The following RBFOX1 variants were observed in gnomAD, a reference collection of about 807,000 sequenced individuals.
RBFOX1 encodes RNA binding protein fox-1 homolog 1.
RBFOX1 carries 8 observed loss-of-function variants against 57.7 expected under a neutral mutation model. That is an observed-to-expected ratio of 0.14 (90% CI 0.08 to 0.25). The LOEUF (loss-of-function observed/expected upper bound fraction) is 0.25. Ranked by LOEUF, RBFOX1 falls within the 10% of genes least tolerant of loss-of-function variation. RBFOX1 has a pLI of 1.00. For missense variants in RBFOX1, 611 were observed against 548.5 expected, an observed-to-expected ratio of 1.11 and a Z score of -1.14; for synonymous variants, 326 against 222.4, an observed-to-expected ratio of 1.47 and a Z score of -4.15.
chr16:7,599,305 G>A (rs879297738), intron 9 of RBFOX1, among the ~76,000 whole-genome samples: 1 of 152,240 alleles, frequency 6.6e-6, no homozygotes, highest in African/African-American at 2.4e-5. Flanking sequence ...GCACATGTGT[G>A]CTTGTCTACA....
chr16:6,821,317 G>A (rs899636581), intron 3 of RBFOX1, among the ~76,000 whole-genome samples: 11 of 152,220 alleles, frequency 7.2e-5, no homozygotes, highest in African/African-American at 2.4e-4. Context: ...ACTAAGTTTT[G>A]CTACCTGACA....
At chr16:7,703,266 C>T (rs963746099) in intron 14 of RBFOX1, among the ~76,000 whole-genome samples, 5 of 152,178 alleles carry the variant, frequency 3.3e-5, no homozygotes, top group Non-Finnish European at 7.3e-5. Flanking sequence ...TTCATTGATC[C>T]CTGGTGAGAC....
intron 2 of RBFOX1, among the ~76,000 whole-genome samples, chr16:6,485,061 C>T (rs1302291039): frequency 6.6e-6 from 1 of 152,158 alleles, no homozygotes; most frequent in African/African-American, 2.4e-5. Context: ...GTGTTTGTGG[C>T]ATGGAGTAAC....
chr16:7,501,525 C>G (rs2070860878), intron 4 of RBFOX1, among the ~76,000 whole-genome samples: 1 of 152,318 alleles, frequency 6.6e-6, no homozygotes, highest in East Asian at 1.9e-4. Flanking sequence ...GCTTTACAAT[C>G]CAGTAGCCTC....
chr16:7,390,203 C>T (rs1007631911), intron 4 of RBFOX1, among the ~76,000 whole-genome samples: 1 of 152,156 alleles, frequency 6.6e-6, no homozygotes, highest in African/African-American at 2.4e-5. Context: ...ATTCTGTCAT[C>T]TCGCACCAGA....
At chr16:7,356,232 C>A (rs1463331178) in intron 4 of RBFOX1, among the ~76,000 whole-genome samples, 1 of 152,100 alleles carries the variant, frequency 6.6e-6, no homozygotes, top group East Asian at 1.9e-4. Flanking sequence ...GAGTCAAGAC[C>A]CCTGTTTTAC....
At chr16:5,990,855 T>A (rs11647374) in intron 4 of RBFOX1, among the ~76,000 whole-genome samples, 3,396 of 152,184 alleles carry the variant, frequency 0.022, 91 homozygotes, top group Middle Eastern at 0.16. Flanking sequence ...ACGCCTGTAG[T>A]CCCATCTACT....
intron 4 of RBFOX1, among the ~76,000 whole-genome samples, chr16:7,283,080 T>G (rs1045446072): frequency 1.3e-5 from 2 of 152,202 alleles, no homozygotes; most frequent in African/African-American, 4.8e-5. Context: ...GGTATCTTTT[T>G]TGTATAACGA....
intron 4 of RBFOX1, among the ~76,000 whole-genome samples, chr16:7,239,816 A>T (rs376631086): frequency 4.2e-4 from 64 of 152,324 alleles, no homozygotes; most frequent in African/African-American, 1.5e-3. Flanking sequence ...GAAGAAAACA[A>T]ATATCATTTA....
chr16:6,159,221 C>A (rs372208161), intron 1 of RBFOX1, among the ~76,000 whole-genome samples: 3 of 152,090 alleles, frequency 2.0e-5, no homozygotes, highest in South Asian at 4.1e-4. Flanking sequence ...GGTCTATAGA[C>A]GCACACCACC....
At chr16:7,314,489 A>C (rs1217176583) in intron 4 of RBFOX1, among the ~76,000 whole-genome samples, 1 of 152,212 alleles carries the variant, frequency 6.6e-6, no homozygotes, top group Non-Finnish European at 1.5e-5. Flanking sequence ...GTGTTTAATC[A>C]GATTCACTTA....
At chr16:6,880,223 G>T (rs58032291) in intron 3 of RBFOX1, among the ~76,000 whole-genome samples, 1 of 151,868 alleles carries the variant, frequency 6.6e-6, no homozygotes, top group African/African-American at 2.4e-5. Flanking sequence ...TTTTCCACCG[G>T]GGGGTAGCAA....
intron 1 of RBFOX1, among the ~76,000 whole-genome samples, chr16:6,115,971 G>C (rs2096492470): frequency 6.6e-6 from 1 of 152,154 alleles, no homozygotes; most frequent in Non-Finnish European, 1.5e-5. Context: ...ACATGCACAT[G>C]TATATTTGTT....
rs1450641857 is a variant in RBFOX1, at chr16:7,473,898, AC to A, written c.28-44248del. Among the ~76,000 whole-genome samples the A allele has an allele frequency of 2.0e-5, 3 of 152,118 alleles. No individual in the cohort carries two copies. The East Asian group carries it at 5.8e-4, about 29-fold the overall frequency. ...TACCTAAGTGCCATCCAGCTCTCAAACTTTTTGTAACCTCCCTCAAGCACCT... is the reference window on the plus strand; with the variant it reads ...TACCTAAGTGCCATCCAGCTCTCAAATTTTTGTAACCTCCCTCAAGCACCT... On this transcript the variant is annotated intron_variant, in intron 4 of 15. Coordinates refer to ENST00000550418, the MANE Select transcript of RBFOX1 (RefSeq NM_018723.4).
intron 15 of RBFOX1, chr16:7,709,750 A>C: frequency 1.4e-5 from 1 of 71,760 alleles, no homozygotes; most frequent in Non-Finnish European, 1.8e-5. Flanking sequence ...TTGTTTTGGG[A>C]GGGGGTGGGG....
chr16:7,006,004 C>A (rs368370632), intron 3 of RBFOX1, among the ~76,000 whole-genome samples: 12 of 152,170 alleles, frequency 7.9e-5, no homozygotes, highest in Non-Finnish European at 1.3e-4. Context: ...CTCTAAGAAG[C>A]TGGACAGCAT....
At chr16:6,640,297 A>T (rs1215291338) in intron 2 of RBFOX1, among the ~76,000 whole-genome samples, 1 of 152,120 alleles carries the variant, frequency 6.6e-6, no homozygotes, top group Non-Finnish European at 1.5e-5. Flanking sequence ...CTATATTTTT[A>T]ATTTTTTGTT....
intron 3 of RBFOX1, 70 bp downstream of exon 3, chr16:6,654,720 T>C: frequency 2.5e-6 from 3 of 1,183,168 alleles, no homozygotes; most frequent in Non-Finnish European, 3.5e-6. Context: ...CCCAGGTGTT[T>C]AAGGCATGCC....
At chr16:6,818,709 C>T (rs1056033126) in intron 3 of RBFOX1, among the ~76,000 whole-genome samples, 5 of 152,128 alleles carry the variant, frequency 3.3e-5, no homozygotes, top group Admixed American at 6.5e-5. Flanking sequence ...GTCCTCTCTT[C>T]CACCCTCAGT....
Sources: gnomAD v4.1 joint callset for allele counts (sites outside exome capture counted in the v4.1 genomes callset) on GRCh38, gnomAD v4.1.1 for gene constraint, MANE v1.5 for transcripts, NCBI Gene and HGNC (gene_info 2026-07-23, HGNC 2026-07-21) for gene names.